Variants in GSE1 observed in about 807,000 individuals in gnomAD.
The protein encoded by GSE1 is genetic suppressor element 1.
Under a neutral mutation model 112.6 loss-of-function variants are expected in GSE1, and 32 were observed. That is an observed-to-expected ratio of 0.28 (90% CI 0.21 to 0.38). The LOEUF (loss-of-function observed/expected upper bound fraction) is 0.38. GSE1 is among the 10% of genes least tolerant of loss of function. The pLI, the probability that GSE1 is intolerant of heterozygous loss-of-function variation, is 1.00. For missense variants in GSE1, 2,348 were observed against 1,699.2 expected, an observed-to-expected ratio of 1.38 and a Z score of -6.71; for synonymous variants, 1,115 against 735.6, an observed-to-expected ratio of 1.52 and a Z score of -8.35.
chr16:85,462,921 G>GCCGC (rs1260262935), intron 2 of GSE1, among the ~76,000 whole-genome samples: 2 of 151,482 alleles, frequency 1.3e-5, no homozygotes, highest in African/African-American at 4.8e-5. Context: ...GCTGCTCCGT[G>GCCGC]CCGCCCCGCA....
chr16:85,182,163 C>G (rs2074600556), intron 1 of GSE1, among the ~76,000 whole-genome samples: 2 of 152,186 alleles, frequency 1.3e-5, no homozygotes, highest in African/African-American at 4.8e-5. Flanking sequence ...CCCACCCTCC[C>G]CGCCCCCCGC....
At chr16:85,482,455 G>A (rs922419811) in intron 2 of GSE1, among the ~76,000 whole-genome samples, 1 of 152,116 alleles carries the variant, frequency 6.6e-6, no homozygotes, top group African/African-American at 2.4e-5. Flanking sequence ...CAACTCGAGC[G>A]ACCCGCGACC....
In GSE1 at chr16:85,617,962, G is replaced by A. The variant is rs74378577; in HGVS notation, c.7+4564G>A. Among the ~76,000 whole-genome samples the A allele has an allele frequency of 8.4e-3, 1,282 of 152,266 alleles. 16 individuals carry two copies. Among genetic ancestry groups the A allele is most frequent in the African/African-American group, 0.029 (1,225 of 41,544 alleles). ...CCTGTCACCTGGCTGCTCTCTGGAT[G>A]TCTGTGGGCCTTGTGTTAACCCCAG... On this transcript the variant is annotated intron_variant, in intron 1 of 15. Transcript: ENST00000253458.
intron 2 of GSE1, among the ~76,000 whole-genome samples, chr16:85,513,276 G>C (rs1160953232): frequency 6.6e-6 from 1 of 152,124 alleles, no homozygotes; most frequent in Non-Finnish European, 1.5e-5. Context: ...AGAGATGGCA[G>C]CTGGGAGCAT....
chr16:85,471,805 G>A (rs1268841296), intron 2 of GSE1, among the ~76,000 whole-genome samples: 1 of 152,106 alleles, frequency 6.6e-6, no homozygotes, highest in Non-Finnish European at 1.5e-5. Context: ...GAACTCCTGG[G>A]GCCCCAATGA....
intron 9 of GSE1, 129 bp downstream of exon 9, chr16:85,661,894 G>C: frequency 1.1e-6 from 1 of 913,214 alleles, no homozygotes. Flanking sequence ...CAGGCCCCAG[G>C]TGGCAAGTGC....
chr16:85,305,181 C>A (rs561840623), intron 1 of GSE1, among the ~76,000 whole-genome samples: 7 of 152,344 alleles, frequency 4.6e-5, no homozygotes, highest in African/African-American at 1.4e-4. Context: ...AGGGTCTACA[C>A]GTGAGAATCA....
intron 3 of GSE1, among the ~76,000 whole-genome samples, chr16:85,650,856 C>G (rs886180360): frequency 1.3e-5 from 2 of 151,676 alleles, no homozygotes; most frequent in African/African-American, 2.4e-5. Context: ...GTGGCAGTTG[C>G]CGGGCCGGAG....
At chr16:85,666,715 G>C (rs1367690241) in intron 13 of GSE1, 1 of 252,900 alleles carries the variant, frequency 4.0e-6, no homozygotes, top group Non-Finnish European at 7.7e-6. Flanking sequence ...GCATTCATTT[G>C]AAAGAATCAT....
At chr16:85,196,920 A>G (rs2074938477) in intron 1 of GSE1, among the ~76,000 whole-genome samples, 2 of 152,156 alleles carry the variant, frequency 1.3e-5, no homozygotes, top group Admixed American at 1.3e-4. Context: ...ATATGTGTCC[A>G]GGACACTTGG....
At chr16:85,271,940 C>T (rs911964377) in intron 1 of GSE1, among the ~76,000 whole-genome samples, 2 of 152,212 alleles carry the variant, frequency 1.3e-5, no homozygotes, top group African/African-American at 4.8e-5. Flanking sequence ...TCGGGGGCTA[C>T]GTGGCCAGGC....
chr16:85,427,116 C>G (rs998532363), intron 2 of GSE1, among the ~76,000 whole-genome samples: 9 of 152,158 alleles, frequency 5.9e-5, no homozygotes, highest in African/African-American at 2.2e-4. Flanking sequence ...ACCCCAGCAC[C>G]AGCACTGTGA....
At chr16:85,376,688 C>T (rs1460184953) in intron 2 of GSE1, among the ~76,000 whole-genome samples, 1 of 152,194 alleles carries the variant, frequency 6.6e-6, no homozygotes, top group Non-Finnish European at 1.5e-5. Context: ...CATGTCTGTG[C>T]CCTCACCCTT....
intron 1 of GSE1, among the ~76,000 whole-genome samples, chr16:85,601,865 G>T (rs1471871758): frequency 6.6e-6 from 1 of 152,212 alleles, no homozygotes; most frequent in Admixed American, 6.5e-5. Context: ...TCCTCTGTCT[G>T]CGTGCATCGC....
At chr16:85,551,137 C>T (rs966834495), upstream of GSE1, among the ~76,000 whole-genome samples, 1 of 152,162 alleles carries the variant, frequency 6.6e-6, no homozygotes, top group Non-Finnish European at 1.5e-5. Context: ...AGTTTCCTAC[C>T]TCTTTTCCAT....
intron 1 of GSE1, among the ~76,000 whole-genome samples, chr16:85,194,360 G>C (rs1441676926): frequency 1.3e-5 from 2 of 152,218 alleles, no homozygotes; most frequent in Non-Finnish European, 2.9e-5. Flanking sequence ...ACGTCACCCA[G>C]GAGGTCAGAG....
In GSE1 at chr16:85,661,653, G is replaced by T. The variant is rs1202729280; in HGVS notation, c.2148G>T (p.Val716=). ...CTGGCTCGCCCTACCGGCCCCCAGT[G>T]CCACGGGCCCCCGACCCTGCCTACA... The part of the protein sequence containing the change: ...LKPGSPYRPP[V]PRAPDPAYIY... Residue 716 remains valine, a synonymous_variant, in exon 9 of 16, where the codon GTG becomes GTT. Coordinates refer to ENST00000253458, the MANE Select transcript of GSE1 (RefSeq NM_014615.5). 1.2e-6 allele frequency: 2 copies of T among 1,611,112 alleles called. No individual in the cohort carries two copies. The highest frequency in any genetic ancestry group is 1.7e-5 in the Admixed American group (1 of 59,928).
chr16:85,308,033 G>A (rs1467035481), intron 1 of GSE1, among the ~76,000 whole-genome samples: 1 of 152,232 alleles, frequency 6.6e-6, no homozygotes, highest in African/African-American at 2.4e-5. Flanking sequence ...TGTGCCGGCA[G>A]CGTGGACAGC....
At chr16:85,256,323 A>C (rs1450309224) in intron 1 of GSE1, among the ~76,000 whole-genome samples, 1 of 152,250 alleles carries the variant, frequency 6.6e-6, no homozygotes, top group Non-Finnish European at 1.5e-5. Flanking sequence ...GCTATAAGGC[A>C]GACACGTCTA....
Sources: gnomAD v4.1 joint callset for allele counts (sites outside exome capture counted in the v4.1 genomes callset) on GRCh38, gnomAD v4.1.1 for gene constraint, MANE v1.5 for transcripts, NCBI Gene and HGNC (gene_info 2026-07-23, HGNC 2026-07-21) for gene names.